PLEK: variants seen among roughly 807,000 people sequenced by gnomAD.
PLEK encodes the protein pleckstrin.
In PLEK, 25 loss-of-function variants were observed where a neutral mutation model predicts 43.9. The ratio of observed to expected loss-of-function variants is 0.57; its 90% CI spans 0.41 to 0.79. PLEK has a LOEUF of 0.79. Among genes scored for constraint, PLEK ranks in the 30% least tolerant of loss-of-function variants. The pLI is 0.00. For synonymous variants in PLEK, 152 were observed against 144.4 expected, an observed-to-expected ratio of 1.05 and a Z score of -0.38; for missense variants, 396 against 413.3, an observed-to-expected ratio of 0.96 and a Z score of 0.36.
At chr2:68,369,509 G>A (rs1673350931) in intron 1 of PLEK, among the ~76,000 whole-genome samples, 2 of 147,514 alleles carry the variant, frequency 1.4e-5, no homozygotes, top group Non-Finnish European at 3.0e-5. Flanking sequence ...TTGAGATGGA[G>A]TTTTGCTCTT....
intron 1 of PLEK, among the ~76,000 whole-genome samples, chr2:68,373,211 ACCT>A (rs1331254652): frequency 3.3e-5 from 5 of 151,146 alleles, no homozygotes; most frequent in Non-Finnish European, 7.4e-5. Context: ...GGAGAGAAAA[ACCT>A]CCTCAAATTC....
At chr2:68,365,582 G>A (rs563978522) in intron 1 of PLEK, 189 bp downstream of exon 1, 24 of 543,388 alleles carry the variant, frequency 4.4e-5, no homozygotes, top group African/African-American at 9.5e-5. Context: ...ATCCAGCCCC[G>A]GCTTCCTTAC....
rs1411989680 is a variant in PLEK, at chr2:68,386,493, C to A, written c.473-9C>A. On this transcript the variant is annotated splice_polypyrimidine_tract_variant and intron_variant, in intron 4 of 8. Coordinates refer to ENST00000234313, the MANE Select transcript of PLEK (RefSeq NM_002664.3). ...GAGAGTTAACCTTCCCTGTGCTGGT[C>A]CCATCTAGGTAACTGCGTCATTGAT... The A allele has an allele frequency of 1.2e-6, 2 of 1,611,140 alleles. No homozygotes were observed. Among genetic ancestry groups the A allele is most frequent in the African/African-American group, 1.3e-5 (1 of 74,950 alleles).
chr2:68,377,336 G>A (rs370951384), intron 1 of PLEK, among the ~76,000 whole-genome samples: 13 of 152,164 alleles, frequency 8.5e-5, no homozygotes, highest in African/African-American at 3.1e-4. Flanking sequence ...GTTTTTTGAG[G>A]AACCTCCAAA....
rs1673951127 is a variant in PLEK, at chr2:68,395,759, C to T, written c.996C>T (p.Pro332=). 3 of 1,613,744 alleles carry T rather than the reference C, an allele frequency of 1.9e-6. No individual in the cohort carries two copies. Among genetic ancestry groups the T allele is most frequent in the Non-Finnish European group, 1.7e-6 (2 of 1,179,710 alleles). ...EVHYFLQAAT[P]KERTEWIRAI... ...ACTATTTCTTGCAAGCAGCCACCCC[C>T]AAGGAGCGCACAGAGTGGATCAGAG... Residue 332 remains proline (P), a synonymous_variant, in exon 9 of 9, where the codon CCC becomes CCT. Coordinates refer to ENST00000234313, the MANE Select transcript of PLEK (RefSeq NM_002664.3).
rs1476924800 is a variant in PLEK at position 68,395,675 on chromosome 2, C to G, written c.917-5C>G. ...CGTGCTGCCATTTGCCTTCTCTTTC[C>G]CCAGGCAGGAAGAGTGAGGAAGAGA... is the stretch of plus-strand genomic sequence containing the variant. On this transcript the variant is annotated splice_region_variant and splice_polypyrimidine_tract_variant and intron_variant, in intron 8 of 8. Coordinates refer to ENST00000234313, the MANE Select transcript of PLEK (RefSeq NM_002664.3). 2 of 1,613,870 alleles carry G rather than the reference C, an allele frequency of 1.2e-6. No homozygotes were observed. The highest frequency in any genetic ancestry group is 2.7e-5 in the African/African-American group (2 of 74,882).
chr2:68,365,643 G>A, intron 1 of PLEK: 1 of 453,270 alleles, frequency 2.2e-6, no homozygotes. Context: ...CTGGAAGGTG[G>A]GGATCTAAGC....
intron 8 of PLEK, among the ~76,000 whole-genome samples, chr2:68,394,586 A>G (rs1485576111): frequency 6.6e-6 from 1 of 151,948 alleles, no homozygotes; most frequent in Non-Finnish European, 1.5e-5. Context: ...GAGAAACCAG[A>G]GTTATTTTTT....
intron 7 of PLEK, 108 bp from the exon 8 acceptor site, chr2:68,393,999 G>T: frequency 1.4e-6 from 1 of 733,018 alleles, no homozygotes; most frequent in Non-Finnish European, 2.5e-6. Context: ...ACTTATTTTG[G>T]GGGGCCCTGA....
At chr2:68,378,714 T>A (rs1558497802) in intron 1 of PLEK, among the ~76,000 whole-genome samples, 1 of 152,246 alleles carries the variant, frequency 6.6e-6, no homozygotes, top group Non-Finnish European at 1.5e-5. Context: ...TATAAAATCT[T>A]ATCCAAATTA....
intron 1 of PLEK, among the ~76,000 whole-genome samples, chr2:68,377,874 A>G (rs1016107386): frequency 6.6e-6 from 1 of 152,178 alleles, no homozygotes; most frequent in Non-Finnish European, 1.5e-5. Context: ...GATTTTCCCC[A>G]ATATTTTCTT....
intron 6 of PLEK, among the ~76,000 whole-genome samples, chr2:68,389,572 A>G (rs954286960): frequency 2.6e-5 from 4 of 152,344 alleles, no homozygotes; most frequent in Admixed American, 1.3e-4. Flanking sequence ...AAGGAGGTAT[A>G]GGTATGGATT....
chr2:68,396,147 T>TAAA lies in PLEK; in HGVS notation c.*343_*345dup. 1 of 186,682 alleles carries TAAA rather than the reference T, an allele frequency of 5.4e-6. No homozygotes were observed. The allele number at this position is 186,682 out of a possible 1,614,324, so 11.6% of individuals were successfully genotyped here. On this transcript the variant is annotated 3_prime_UTR_variant, in exon 9 of 9. Coordinates refer to ENST00000234313, the MANE Select transcript of PLEK (RefSeq NM_002664.3). Reference sequence around the variant, plus strand: ...GTAGATTCCTGAGGTCCCCCTAGCTTAAAAAAAAAAAAAATCTGCCCCATG... The same window carrying TAAA: ...GTAGATTCCTGAGGTCCCCCTAGCTTAAAAAAAAAAAAAAAAATCTGCCCCATG...
intron 7 of PLEK, among the ~76,000 whole-genome samples, chr2:68,393,874 C>T (rs1190602527): frequency 6.6e-6 from 1 of 152,122 alleles, no homozygotes; most frequent in Non-Finnish European, 1.5e-5. Context: ...AGATTGAAGT[C>T]CAGATCGTCT....
intron 3 of PLEK, 30 bp downstream of exon 3, chr2:68,380,934 C>T: frequency 6.3e-7 from 1 of 1,584,940 alleles, no homozygotes; most frequent in Non-Finnish European, 8.6e-7. Context: ...TCTCTTTACC[C>T]ATTCCTTCTG....
chr2:68,395,917 G>T lies in PLEK; in HGVS notation c.*101G>T. ...TGACAAATCAACGGGAAACAGCCCA[G>T]GGGTGGGAAGTTTTCATTTGCAGGG... On this transcript the variant is annotated 3_prime_UTR_variant, in exon 9 of 9. Coordinates refer to ENST00000234313, the MANE Select transcript of PLEK (RefSeq NM_002664.3). 1.9e-6 allele frequency: 2 copies of T among 1,064,180 alleles called. No homozygotes were observed. The highest frequency in any genetic ancestry group is 2.8e-6 in the Non-Finnish European group (2 of 712,508). The allele number at this position is 1,064,180 out of a possible 1,614,324, so 65.9% of individuals were successfully genotyped here. A position where few individuals can be genotyped will look rare whatever the true frequency, so the allele number is the denominator to read the frequency against.
chr2:68,375,631 T>C (rs572310382), intron 1 of PLEK, among the ~76,000 whole-genome samples: 1 of 152,224 alleles, frequency 6.6e-6, no homozygotes, highest in Non-Finnish European at 1.5e-5. Context: ...ACAAGCAAAG[T>C]GATAGTCCCA....
At chr2:68,394,436 G>A (rs1265810383) in intron 8 of PLEK, among the ~76,000 whole-genome samples, 3 of 152,124 alleles carry the variant, frequency 2.0e-5, no homozygotes, top group Admixed American at 1.3e-4. Flanking sequence ...GCTGGGCATG[G>A]TGGCACATGC....
rs748629234 is a variant in PLEK at position 68,388,500 on chromosome 2, C to A, written c.762+9C>A. 1.4e-5 allele frequency: 19 copies of A among 1,369,834 alleles called. 1 individual carries two copies. The East Asian group carries it at 2.5e-4, about 18-fold the overall frequency. 84.9% of individuals were successfully genotyped at this position (1,369,834 alleles called of 1,614,324 possible). On this transcript the variant is annotated intron_variant, in intron 6 of 8. Coordinates refer to ENST00000234313, the MANE Select transcript of PLEK (RefSeq NM_002664.3). ...GATGTTTACTGAAGCAGGTGAGTGG[C>A]CACAACTGCTCCCATCTAGCCTTTT...
Sources: allele counts gnomAD v4.1 joint callset (sites outside exome capture counted in the v4.1 genomes callset), GRCh38; gene constraint gnomAD v4.1.1; transcripts MANE v1.5; gene names NCBI Gene and HGNC (gene_info 2026-07-23, HGNC 2026-07-21).